EIF5A2: variants seen among roughly 807,000 people sequenced by gnomAD.
EIF5A2 encodes the protein eukaryotic translation initiation factor 5A2.
EIF5A2 carries 15 observed loss-of-function variants against 16.4 expected under a neutral mutation model. That is an observed-to-expected ratio of 0.92 (90% CI 0.61 to 1.41). The LOEUF (loss-of-function observed/expected upper bound fraction) is 1.41, where lower values mean the gene tolerates loss of function less well. Ranked by LOEUF, EIF5A2 falls within the 40% of genes most tolerant of loss-of-function variation. EIF5A2 has a pLI of 0.00. For missense variants in EIF5A2, 144 were observed against 189.5 expected (o/e 0.76, Z 1.41); for synonymous variants, 48 against 61.1 (o/e 0.79, Z 1.00).
rs1712501869 is a variant in EIF5A2 at position 170,890,405 on chromosome 3, A to C, written c.*2955T>G. 6.6e-6 allele frequency: 1 copy of C among 152,112 alleles called. No homozygotes were observed. Among genetic ancestry groups the C allele is most frequent in the African/African-American group, 2.4e-5 (1 of 41,450 alleles). The allele number at this position is 152,112 out of a possible 1,614,324, so 9.4% of individuals were successfully genotyped here. ...CAGGAGAGTTTTGGTAATTAACATA[A>C]AGCGCTGGTACAGAGACTTGTATCA... On this transcript the variant is annotated 3_prime_UTR_variant, in exon 5 of 5. Transcript: ENST00000295822.
At chr3:170,895,264 G>C (rs1402608426) in intron 3 of EIF5A2, among the ~76,000 whole-genome samples, 1 of 151,498 alleles carries the variant, frequency 6.6e-6, no homozygotes, top group Admixed American at 6.6e-5. Flanking sequence ...ACAAAATTAA[G>C]TGGAAAACTT....
In EIF5A2 at chr3:170,891,509, T is replaced by C. The variant is rs1712535735; in HGVS notation, c.*1851A>G. 6.6e-6 allele frequency: 1 copy of C among 152,628 alleles called. No individual in the cohort carries two copies. The highest frequency in any genetic ancestry group is 6.6e-5 in the Admixed American group (1 of 15,264). 9.5% of individuals were successfully genotyped at this position (152,628 alleles called of 1,614,324 possible). A position where few individuals can be genotyped will look rare whatever the true frequency, so the allele number is the denominator to read the frequency against. Reference sequence around the variant, plus strand: ...TTGGTTTGCCGAGGCTAAGACAATATTTAAAAGTGTGTACAAATTAAGCAA... The same window carrying C: ...TTGGTTTGCCGAGGCTAAGACAATACTTAAAAGTGTGTACAAATTAAGCAA... On this transcript the variant is annotated 3_prime_UTR_variant, in exon 5 of 5. Coordinates refer to ENST00000295822, the MANE Select transcript of EIF5A2 (RefSeq NM_020390.6).
chr3:170,900,650 TG>T (rs1266055073), intron 3 of EIF5A2, among the ~76,000 whole-genome samples: 1 of 152,202 alleles, frequency 6.6e-6, no homozygotes, highest in Non-Finnish European at 1.5e-5. Flanking sequence ...TATGTTTAAA[TG>T]CTCGAGTTTA....
At position 170,893,244 on chromosome 3, in the gene EIF5A2, A is replaced by C; in HGVS notation, c.*116T>G. 1.0e-6 allele frequency: 1 copy of C among 985,858 alleles called. No individual in the cohort carries two copies. Among genetic ancestry groups the C allele is most frequent in the South Asian group, 2.3e-5 (1 of 42,928 alleles). 61.1% of individuals were successfully genotyped at this position (985,858 alleles called of 1,614,324 possible). A position where few individuals can be genotyped will look rare whatever the true frequency, so the allele number is the denominator to read the frequency against. On this transcript the variant is annotated 3_prime_UTR_variant, in exon 5 of 5. Transcript: ENST00000295822. ...AACTAACCCAGCACAATCTGAAAACAATTAAAAAAAGAAATGAGGTTGCTT... is the reference window on the plus strand; with the variant it reads ...AACTAACCCAGCACAATCTGAAAACCATTAAAAAAAGAAATGAGGTTGCTT...
At chr3:170,893,843 G>C (rs768636049) in intron 4 of EIF5A2, among the ~76,000 whole-genome samples, 13 of 152,114 alleles carry the variant, frequency 8.5e-5, no homozygotes, top group Admixed American at 3.3e-4. Flanking sequence ...AACCAGCTTG[G>C]CCAACATGCT....
chr3:170,899,270 T>C (rs1236307197), intron 3 of EIF5A2, among the ~76,000 whole-genome samples: 1 of 152,078 alleles, frequency 6.6e-6, no homozygotes, highest in Non-Finnish European at 1.5e-5. Context: ...TGCTCTTTCA[T>C]GCAGGCAGGA....
chr3:170,896,910 G>C (rs1712688269), intron 3 of EIF5A2, among the ~76,000 whole-genome samples: 1 of 152,220 alleles, frequency 6.6e-6, no homozygotes, highest in Non-Finnish European at 1.5e-5. Flanking sequence ...GATATGGACA[G>C]TGAAGTCCAG....
intron 3 of EIF5A2, among the ~76,000 whole-genome samples, chr3:170,896,143 A>C (rs985511000): frequency 1.3e-5 from 2 of 152,236 alleles, no homozygotes; most frequent in African/African-American, 4.8e-5. Flanking sequence ...ATATTTTGAA[A>C]ATGATGTATG....
Position 170,907,811 on chromosome 3 carries a change from G to A in EIF5A2, c.-5C>T, listed in dbSNP as rs370935817. 6.5e-7 allele frequency: 1 copy of A among 1,527,852 alleles called. No homozygotes were observed. Among genetic ancestry groups the A allele is most frequent in the East Asian group, 2.3e-5 (1 of 42,948 alleles). 94.6% of individuals were successfully genotyped at this position (1,527,852 alleles called of 1,614,324 possible). ...GAAATCAATTTCGTCTGCCATGGTGGGCAGGGGAGATGGTAGTTTTTCCGT... is the reference window on the plus strand; with the variant it reads ...GAAATCAATTTCGTCTGCCATGGTGAGCAGGGGAGATGGTAGTTTTTCCGT... On this transcript the variant is annotated 5_prime_UTR_variant, in exon 2 of 5. Transcript: ENST00000295822.
intron 2 of EIF5A2, 28 bp from the exon 3 acceptor site, chr3:170,907,121 T>C (rs781334986): frequency 6.8e-7 from 1 of 1,471,786 alleles, no homozygotes; most frequent in Non-Finnish European, 9.5e-7. Context: ...GAAACCTGTT[T>C]AATCTCTGCC....
At position 170,893,175 on chromosome 3, in the gene EIF5A2, T is replaced by C. The variant is rs569214859; in HGVS notation, c.*185A>G. ...ACATATCTACAAAATTCAAAAAAAA[T>C]TATACATATTGATAATTTTTTAAAA... On this transcript the variant is annotated 3_prime_UTR_variant, in exon 5 of 5. Coordinates refer to ENST00000295822, the MANE Select transcript of EIF5A2 (RefSeq NM_020390.6). 1.0e-5 allele frequency: 5 copies of C among 479,158 alleles called. No individual in the cohort carries two copies. The highest frequency in any genetic ancestry group is 1.8e-5 in the Non-Finnish European group (5 of 280,618). The allele number at this position is 479,158 out of a possible 1,614,324, so 29.7% of individuals were successfully genotyped here.
In EIF5A2 at chr3:170,889,107, T is replaced by G. The variant is rs1401692798; in HGVS notation, c.*4253A>C. The G allele has an allele frequency of 1.6e-5, 2 of 124,892 alleles. No homozygotes were observed. Among genetic ancestry groups the G allele is most frequent in the African/African-American group, 6.3e-5 (2 of 31,928 alleles). The allele number at this position is 124,892 out of a possible 1,614,324, so 7.7% of individuals were successfully genotyped here. A position where few individuals can be genotyped will look rare whatever the true frequency, so the allele number is the denominator to read the frequency against. The stretch of plus-strand genomic sequence containing the variant: ...TTTCTACCTGTTCTAAGGAGGAGAA[T>G]AGTGGTAGATGGCAAAGTTGGCAAC... On this transcript the variant is annotated 3_prime_UTR_variant, in exon 5 of 5. Transcript: ENST00000295822.
chr3:170,907,462 C>G (rs1277173171), intron 2 of EIF5A2, among the ~76,000 whole-genome samples, 180 bp downstream of exon 2: 1 of 152,064 alleles, frequency 6.6e-6, no homozygotes, highest in Non-Finnish European at 1.5e-5. Context: ...TGTAAGGGCC[C>G]AAGAAGGGAA....
Position 170,888,526 on chromosome 3 carries a change from G to T in EIF5A2, c.*4834C>A, listed in dbSNP as rs955388247. ...TGTTAAGGTATTATCTATATTTAAAGGTTTTTTAAGTCAAAGACTTAACAT... is the reference window on the plus strand; with the variant it reads ...TGTTAAGGTATTATCTATATTTAAATGTTTTTTAAGTCAAAGACTTAACAT... On this transcript the variant is annotated 3_prime_UTR_variant, in exon 5 of 5. Coordinates refer to ENST00000295822, the MANE Select transcript of EIF5A2 (RefSeq NM_020390.6). The T allele has an allele frequency of 1.3e-4, 20 of 152,276 alleles. No individual in the cohort carries two copies. Among genetic ancestry groups the T allele is most frequent in the African/African-American group, 3.4e-4 (14 of 41,358 alleles). The allele number at this position is 152,276 out of a possible 1,614,324, so 9.4% of individuals were successfully genotyped here. A position where few individuals can be genotyped will look rare whatever the true frequency, so the allele number is the denominator to read the frequency against.
chr3:170,904,446 T>A (rs1239210937), intron 3 of EIF5A2, among the ~76,000 whole-genome samples: 3 of 152,170 alleles, frequency 2.0e-5, no homozygotes, highest in Non-Finnish European at 4.4e-5. Context: ...GGCACTTGGT[T>A]AGGTAAGTGA....
At chr3:170,903,681 T>G (rs1244607561) in intron 3 of EIF5A2, among the ~76,000 whole-genome samples, 2 of 152,188 alleles carry the variant, frequency 1.3e-5, no homozygotes, top group Non-Finnish European at 2.9e-5. Flanking sequence ...ATAAAAAGAC[T>G]TTAAGCTCAA....
intron 3 of EIF5A2, among the ~76,000 whole-genome samples, chr3:170,898,978 A>T (rs1354489824): frequency 6.6e-6 from 1 of 152,142 alleles, no homozygotes; most frequent in African/African-American, 2.4e-5. Context: ...TATTTTTCTC[A>T]AGAACAAGGA....
chr3:170,900,244 G>C (rs934240755), intron 3 of EIF5A2, among the ~76,000 whole-genome samples: 5 of 151,766 alleles, frequency 3.3e-5, no homozygotes, highest in African/African-American at 9.7e-5. Flanking sequence ...GATGGCACCT[G>C]GAGTCCCAGC....
intron 3 of EIF5A2, among the ~76,000 whole-genome samples, chr3:170,905,164 TA>T (rs1392637951): frequency 6.6e-6 from 1 of 152,244 alleles, no homozygotes; most frequent in Non-Finnish European, 1.5e-5. Flanking sequence ...AATCCTATGA[TA>T]AAATACCAAA....
Sources: allele counts gnomAD v4.1 joint callset (sites outside exome capture counted in the v4.1 genomes callset), GRCh38; gene constraint gnomAD v4.1.1; transcripts MANE v1.5; gene names NCBI Gene and HGNC (gene_info 2026-07-23, HGNC 2026-07-21).